Variants in PRKCA observed in about 807,000 individuals in gnomAD.
The protein encoded by PRKCA is protein kinase C alpha type.
Under a neutral mutation model 87.0 loss-of-function variants are expected in PRKCA, and 27 were observed. The ratio of observed to expected loss-of-function variants is 0.31; its 90% CI spans 0.23 to 0.43. PRKCA has a LOEUF of 0.43. Ranked by LOEUF, PRKCA falls within the 20% of genes least tolerant of loss-of-function variation. The pLI is 1.00. For missense variants in PRKCA, 518 were observed against 852.3 expected, an observed-to-expected ratio of 0.61 and a Z score of 4.88; for synonymous variants, 329 against 311.1, an observed-to-expected ratio of 1.06 and a Z score of -0.61.
At chr17:66,649,256 A>G (rs75341337) in intron 5 of PRKCA, among the ~76,000 whole-genome samples, 14,993 of 152,300 alleles carry the variant, frequency 0.098, 790 homozygotes, top group Middle Eastern at 0.18. Context: ...GTGCTTGCCA[A>G]TGATGGGTGG....
At chr17:66,718,791 CT>C (rs1394155182) in intron 8 of PRKCA, among the ~76,000 whole-genome samples, 1 of 152,218 alleles carries the variant, frequency 6.6e-6, no homozygotes, top group East Asian at 1.9e-4. Context: ...TCCAAGACCA[CT>C]TTCTGTGTTG....
In PRKCA at chr17:66,808,518, GTGCCTGTT is replaced by G. The variant is rs1976092172; in HGVS notation, c.*4483_*4490del. The G allele has an allele frequency of 6.6e-6, 1 of 152,378 alleles. No homozygotes were observed. The highest frequency in any genetic ancestry group is 1.5e-5 in the Non-Finnish European group (1 of 68,034). 9.4% of individuals were successfully genotyped at this position (152,378 alleles called of 1,614,324 possible). ...TCTTTATAACCCGACAAGGGTAGGA[GTGCCTGTT>G]TCCCCTGCTGGGCACACCAGACAAT... is the stretch of plus-strand genomic sequence containing the variant. On this transcript the variant is annotated 3_prime_UTR_variant, in exon 17 of 17. Coordinates refer to ENST00000413366, the MANE Select transcript of PRKCA (RefSeq NM_002737.3).
chr17:66,591,036 C>CA (rs1969788857), intron 3 of PRKCA, among the ~76,000 whole-genome samples: 1 of 152,158 alleles, frequency 6.6e-6, no homozygotes, highest in Non-Finnish European at 1.5e-5. Flanking sequence ...TCTGTAACCT[C>CA]AGACAAGTGA....
At chr17:66,733,969 A>G (rs1278736300) in intron 9 of PRKCA, among the ~76,000 whole-genome samples, 1 of 152,256 alleles carries the variant, frequency 6.6e-6, no homozygotes, top group South Asian at 2.1e-4. Flanking sequence ...AGTCCAAGTC[A>G]TAGTGATCTG....
At chr17:66,747,804 AT>A (rs1214810849) in intron 13 of PRKCA, among the ~76,000 whole-genome samples, 1 of 152,230 alleles carries the variant, frequency 6.6e-6, no homozygotes, top group Non-Finnish European at 1.5e-5. Flanking sequence ...CCCCAGGGAG[AT>A]CCCTTAGAAA....
At chr17:66,587,793 ATATACG>A (rs1969654041) in intron 3 of PRKCA, among the ~76,000 whole-genome samples, 2 of 132,158 alleles carry the variant, frequency 1.5e-5, no homozygotes, top group Non-Finnish European at 3.2e-5. Context: ...ATGTATACAT[ATATACG>A]TATATGTGTG....
At chr17:66,577,157 A>G (rs60677687) in intron 3 of PRKCA, among the ~76,000 whole-genome samples, 2,337 of 152,216 alleles carry the variant, frequency 0.015, 70 homozygotes, top group African/African-American at 0.053. Context: ...GGTATGAGCC[A>G]CCGTGCCTGG....
chr17:66,655,509 C>T (rs1971711954), intron 5 of PRKCA, among the ~76,000 whole-genome samples: 1 of 152,214 alleles, frequency 6.6e-6, no homozygotes, highest in South Asian at 2.1e-4. Flanking sequence ...CCTCTCCTCA[C>T]ATTTTATGCC....
At position 66,689,658 on chromosome 17, in the gene PRKCA, T is replaced by C. The variant is rs1000121423; in HGVS notation, c.918+611T>C. 1.3e-5 allele frequency among the ~76,000 whole-genome samples: 2 copies of C among 152,164 alleles called. No individual in the cohort carries two copies. Among genetic ancestry groups the C allele is most frequent in the African/African-American group, 4.8e-5 (2 of 41,442 alleles). On this transcript the variant is annotated intron_variant, in intron 8 of 16. Coordinates refer to ENST00000413366, the MANE Select transcript of PRKCA (RefSeq NM_002737.3). The surrounding 1 kb of genome is among the most constrained non-coding windows in gnomAD (Gnocchi z 4.1). ...TTTTTACTTCTCCTCCTCTGCTCCT[T>C]ACTCCTCTTTTTCTTCTCCTCTCTC...
chr17:66,543,412 G>A (rs1399954814), intron 3 of PRKCA, among the ~76,000 whole-genome samples: 1 of 152,170 alleles, frequency 6.6e-6, no homozygotes, highest in Admixed American at 6.5e-5. Flanking sequence ...TTATTGTGAG[G>A]TCTGGCTTTT....
At chr17:66,593,847 G>A (rs1483556997) in intron 3 of PRKCA, among the ~76,000 whole-genome samples, 1 of 152,180 alleles carries the variant, frequency 6.6e-6, no homozygotes, top group Non-Finnish European at 1.5e-5. Flanking sequence ...ACTTTGGGAG[G>A]CCGAGGCAGA....
chr17:66,324,410 T>G, intron 2 of PRKCA, among the ~76,000 whole-genome samples: 1 of 137,740 alleles, frequency 7.3e-6, no homozygotes, highest in African/African-American at 2.7e-5. Flanking sequence ...GAGGCCAACC[T>G]GGCCAACATG....
At chr17:66,467,052 C>A (rs1345617311) in intron 2 of PRKCA, among the ~76,000 whole-genome samples, 1 of 152,166 alleles carries the variant, frequency 6.6e-6, no homozygotes, top group African/African-American at 2.4e-5. Context: ...CTTCGTTGCC[C>A]TGCAAACACA....
intron 5 of PRKCA, among the ~76,000 whole-genome samples, chr17:66,682,426 G>A (rs900799869): frequency 3.3e-5 from 5 of 152,278 alleles, no homozygotes; most frequent in Admixed American, 6.5e-5. Flanking sequence ...TGGCACAGAT[G>A]TATTTCCTCA....
chr17:66,631,091 A>G (rs1350783702), intron 3 of PRKCA, among the ~76,000 whole-genome samples: 3 of 152,252 alleles, frequency 2.0e-5, no homozygotes, highest in East Asian at 3.9e-4. Flanking sequence ...GTGAGATTGC[A>G]TATGTCCTAG....
chr17:66,519,739 C>T (rs1424734251), intron 3 of PRKCA, among the ~76,000 whole-genome samples: 1 of 152,192 alleles, frequency 6.6e-6, no homozygotes, highest in African/African-American at 2.4e-5. Context: ...CACCTGGGAG[C>T]TCATTAGCAG....
At chr17:66,552,927 G>A (rs1387403821) in intron 3 of PRKCA, among the ~76,000 whole-genome samples, 2 of 151,998 alleles carry the variant, frequency 1.3e-5, no homozygotes, top group African/African-American at 2.4e-5. Context: ...TGTCTTTTTA[G>A]TAGAACATCT....
intron 8 of PRKCA, among the ~76,000 whole-genome samples, chr17:66,729,768 G>A (rs956645739): frequency 6.7e-6 from 1 of 149,964 alleles, no homozygotes; most frequent in African/African-American, 2.5e-5. Flanking sequence ...ATCCCTGTAT[G>A]AGCGAGTTAT....
At chr17:66,628,705 G>A (rs768809250) in intron 3 of PRKCA, among the ~76,000 whole-genome samples, 2 of 152,098 alleles carry the variant, frequency 1.3e-5, no homozygotes, top group Non-Finnish European at 2.9e-5. Flanking sequence ...TTAAAGTGAG[G>A]TTATAACCAA....
Sources: gnomAD v4.1 joint callset for allele counts (sites outside exome capture counted in the v4.1 genomes callset) on GRCh38, gnomAD v4.1.1 for gene constraint, Gnocchi (gnomAD v3.1) non-coding constraint, MANE v1.5 for transcripts, NCBI Gene and HGNC (gene_info 2026-07-23, HGNC 2026-07-21) for gene names.